GRM7: variants seen among roughly 807,000 people sequenced by gnomAD.
The protein encoded by GRM7 is metabotropic glutamate receptor 7.
GRM7 carries 35 observed loss-of-function variants against 84.5 expected under a neutral mutation model. The observed-to-expected ratio is 0.41, with a 90% CI of 0.32 to 0.55. The LOEUF is 0.55. GRM7 is among the 20% of genes least tolerant of loss of function. The pLI, the probability that GRM7 is intolerant of heterozygous loss-of-function variation, is 0.19. For synonymous variants in GRM7, 487 were observed against 455.1 expected, an observed-to-expected ratio of 1.07 and a Z score of -0.89; for missense variants, 1,003 against 1,194.6, an observed-to-expected ratio of 0.84 and a Z score of 2.36.
At chr3:7,142,133 C>G (rs1359452639) in intron 1 of GRM7, among the ~76,000 whole-genome samples, 6 of 150,998 alleles carry the variant, frequency 4.0e-5, no homozygotes, top group Admixed American at 2.0e-4. Context: ...TAGGTTAGGT[C>G]AAATATTCAT....
intron 5 of GRM7, among the ~76,000 whole-genome samples, chr3:7,445,074 T>C (rs1697449430): frequency 1.3e-5 from 2 of 152,120 alleles, no homozygotes. Flanking sequence ...GGGCGTTAAC[T>C]TTTCCACCCA....
At chr3:7,203,163 C>T (rs1378432427) in intron 2 of GRM7, among the ~76,000 whole-genome samples, 2 of 152,190 alleles carry the variant, frequency 1.3e-5, no homozygotes, top group South Asian at 2.1e-4. Flanking sequence ...TTTCTTCTAT[C>T]TGACTCTATG....
chr3:7,709,972 T>C (rs900073945), intron 9 of GRM7, among the ~76,000 whole-genome samples: 1 of 152,074 alleles, frequency 6.6e-6, no homozygotes, highest in African/African-American at 2.4e-5. Flanking sequence ...CTGTGACTTG[T>C]GGTTGCTCCA....
chr3:6,883,973 G>A (rs1445204228), intron 1 of GRM7, among the ~76,000 whole-genome samples: 2 of 152,158 alleles, frequency 1.3e-5, no homozygotes, highest in African/African-American at 4.8e-5. Flanking sequence ...TCCCCCTATA[G>A]CCATTAAAGT....
At chr3:7,699,641 T>A (rs1361449552) in intron 9 of GRM7, among the ~76,000 whole-genome samples, 2 of 152,232 alleles carry the variant, frequency 1.3e-5, no homozygotes, top group Non-Finnish European at 2.9e-5. Context: ...CTACTTATTT[T>A]GGCTCCTACT....
intron 2 of GRM7, among the ~76,000 whole-genome samples, chr3:7,290,841 A>G (rs891347709): frequency 1.3e-5 from 2 of 151,946 alleles, no homozygotes; most frequent in Non-Finnish European, 2.9e-5. Flanking sequence ...TCCCTTGGCA[A>G]TCTAGAAAGG....
chr3:7,170,755 G>A (rs1239891195), intron 2 of GRM7, among the ~76,000 whole-genome samples: 1 of 152,168 alleles, frequency 6.6e-6, no homozygotes, highest in Admixed American at 6.5e-5. Flanking sequence ...GGTAAGGGTA[G>A]TCTGTCAGAT....
intron 1 of GRM7, among the ~76,000 whole-genome samples, chr3:7,086,684 C>T (rs1240551208): frequency 6.6e-6 from 1 of 152,004 alleles, no homozygotes; most frequent in South Asian, 2.1e-4. Context: ...AAGCTTCCAG[C>T]GAGTTGGAAG....
intron 1 of GRM7, among the ~76,000 whole-genome samples, chr3:6,933,905 A>T (rs1697595920): frequency 6.6e-6 from 1 of 152,194 alleles, no homozygotes; most frequent in Admixed American, 6.5e-5. Flanking sequence ...ATTGACTTAT[A>T]AACTTTTGTT....
At chr3:7,363,808 T>C (rs958476133) in intron 4 of GRM7, among the ~76,000 whole-genome samples, 1 of 152,074 alleles carries the variant, frequency 6.6e-6, no homozygotes, top group Non-Finnish European at 1.5e-5. Flanking sequence ...TATCATTAGA[T>C]TTTTATATTT....
intron 9 of GRM7, among the ~76,000 whole-genome samples, chr3:7,721,861 C>T (rs1211522753): frequency 2.6e-5 from 4 of 152,170 alleles, no homozygotes; most frequent in Admixed American, 6.5e-5. Flanking sequence ...CCCTGCTTTC[C>T]CCTTTGAGTC....
intron 8 of GRM7, among the ~76,000 whole-genome samples, chr3:7,611,274 A>G (rs907170332): frequency 6.6e-6 from 1 of 152,186 alleles, no homozygotes; most frequent in Non-Finnish European, 1.5e-5. Context: ...GCTAATAATT[A>G]TTATATGAAA....
intron 8 of GRM7, among the ~76,000 whole-genome samples, chr3:7,582,219 G>A (rs953084878): frequency 4.7e-4 from 71 of 152,318 alleles, no homozygotes; most frequent in African/African-American, 1.7e-3. Flanking sequence ...CCTTGTGGTT[G>A]TGTCTATTCA....
At chr3:7,156,236 A>G (rs899432213) in intron 2 of GRM7, among the ~76,000 whole-genome samples, 1 of 152,216 alleles carries the variant, frequency 6.6e-6, no homozygotes, top group Non-Finnish European at 1.5e-5. Context: ...GGGGAAAGCC[A>G]TGGGGCAAAG....
At chr3:7,083,907 AGTGGCAATGAG>A (rs1366530005) in intron 1 of GRM7, among the ~76,000 whole-genome samples, 1 of 152,144 alleles carries the variant, frequency 6.6e-6, no homozygotes, top group African/African-American at 2.4e-5. Context: ...CAGCAACCTG[AGTGGCAATGAG>A]GTGGGAATGT....
intron 3 of GRM7, among the ~76,000 whole-genome samples, chr3:7,299,637 G>T (rs542020499): frequency 6.6e-6 from 1 of 152,270 alleles, no homozygotes; most frequent in South Asian, 2.1e-4. Flanking sequence ...CTAGAGGGAT[G>T]TGCTGCTTGT....
At chr3:7,214,322 C>T (rs908636359) in intron 2 of GRM7, among the ~76,000 whole-genome samples, 1 of 152,180 alleles carries the variant, frequency 6.6e-6, no homozygotes, top group South Asian at 2.1e-4. Flanking sequence ...TTCTCAAATT[C>T]TTAATTCAAC....
chr3:7,625,676 GTAAATTTTGAAAAGAA>G (rs1697575221), intron 8 of GRM7, among the ~76,000 whole-genome samples: 1 of 152,136 alleles, frequency 6.6e-6, no homozygotes, highest in African/African-American at 2.4e-5. Context: ...TCTAAGATAA[GTAAATTTTGAAAAGAA>G]TCAGGGACAG....
At chr3:7,216,319 A>G (rs993752113) in intron 2 of GRM7, among the ~76,000 whole-genome samples, 1 of 152,192 alleles carries the variant, frequency 6.6e-6, no homozygotes, top group African/African-American at 2.4e-5. Context: ...TATATAAACA[A>G]TGAGAGGACT....
Sources: gnomAD v4.1 joint callset for allele counts (sites outside exome capture counted in the v4.1 genomes callset) on GRCh38, gnomAD v4.1.1 for gene constraint, MANE v1.5 for transcripts, NCBI Gene and HGNC (gene_info 2026-07-23, HGNC 2026-07-21) for gene names.